ITGBL1: variants seen among roughly 807,000 people sequenced by gnomAD.
The protein encoded by ITGBL1 is integrin subunit beta like 1, also known as integrin beta-like protein 1.
Under a neutral mutation model 68.5 loss-of-function variants are expected in ITGBL1, and 51 were observed. The ratio of observed to expected loss-of-function variants is 0.74; its 90% CI spans 0.59 to 0.94. The LOEUF is 0.94. Ranked by LOEUF, ITGBL1 falls within the 40% of genes least tolerant of loss-of-function variation. The probability of loss-of-function intolerance (pLI) is 0.00; values close to 1 mark genes in which losing one functional copy is unlikely to be tolerated. For missense variants in ITGBL1, 649 were observed against 647.4 expected (o/e 1.00, Z -0.03); for synonymous variants, 209 against 227.3 (o/e 0.92, Z 0.72).
intron 6 of ITGBL1, among the ~76,000 whole-genome samples, chr13:101,587,895 A>G (rs1340673870): frequency 6.6e-6 from 1 of 152,202 alleles, no homozygotes; most frequent in African/African-American, 2.4e-5. Flanking sequence ...GCTTTTCTCT[A>G]TTGATGGTCT....
intron 2 of ITGBL1, among the ~76,000 whole-genome samples, chr13:101,458,648 TAA>T (rs1265511193): frequency 6.6e-6 from 1 of 152,176 alleles, no homozygotes; most frequent in East Asian, 1.9e-4. Context: ...GTCTCTCATA[TAA>T]AATGGTGTAG....
intron 2 of ITGBL1, among the ~76,000 whole-genome samples, chr13:101,461,843 A>G (rs2048322500): frequency 6.6e-6 from 1 of 152,176 alleles, no homozygotes; most frequent in African/African-American, 2.4e-5. Context: ...TTGCTGCTAC[A>G]ACAAATTACC....
chr13:101,661,512 C>A (rs1222616227), intron 7 of ITGBL1, among the ~76,000 whole-genome samples: 1 of 152,140 alleles, frequency 6.6e-6, no homozygotes, highest in Non-Finnish European at 1.5e-5. Flanking sequence ...ATTCCTCTTG[C>A]TTCAGCTTAT....
intron 7 of ITGBL1, among the ~76,000 whole-genome samples, chr13:101,633,319 T>C (rs1255417407): frequency 6.6e-5 from 10 of 152,198 alleles, no homozygotes; most frequent in Admixed American, 6.5e-4. Flanking sequence ...AGTGAAATGA[T>C]GAACTAGATT....
chr13:101,716,019 C>T lies in ITGBL1; in HGVS notation c.*365C>T, dbSNP rs2034705875. Reference sequence around the variant, plus strand: ...AGAGGCCAGGGATGCTGCTGAGCATCCCGCAGTGTACAGGACAGCCCCCAA... The same window carrying T: ...AGAGGCCAGGGATGCTGCTGAGCATTCCGCAGTGTACAGGACAGCCCCCAA... On this transcript the variant is annotated 3_prime_UTR_variant, in exon 11 of 11. Coordinates refer to ENST00000376180, the MANE Select transcript of ITGBL1 (RefSeq NM_004791.3). 2 of 236,256 alleles carry T rather than the reference C, an allele frequency of 8.5e-6. No individual in the cohort carries two copies. The highest frequency in any genetic ancestry group is 8.4e-6 in the Non-Finnish European group (1 of 118,354). The allele number at this position is 236,256 out of a possible 1,614,324, so 14.6% of individuals were successfully genotyped here.
chr13:101,481,085 C>CACACACGCATAT (rs71121196), intron 2 of ITGBL1, among the ~76,000 whole-genome samples: 12 of 149,006 alleles, frequency 8.1e-5, no homozygotes, highest in Non-Finnish European at 1.5e-5. Flanking sequence ...TATATACACA[C>CACACACGCATAT]ATATATATAC....
At chr13:101,644,316 C>T (rs1415334368) in intron 7 of ITGBL1, among the ~76,000 whole-genome samples, 2 of 152,122 alleles carry the variant, frequency 1.3e-5, no homozygotes, top group Non-Finnish European at 2.9e-5. Flanking sequence ...GATGGTCAGG[C>T]TCAATTTTAT....
At chr13:101,673,663 A>C (rs1594971264) in intron 7 of ITGBL1, among the ~76,000 whole-genome samples, 1 of 152,180 alleles carries the variant, frequency 6.6e-6, no homozygotes, top group Non-Finnish European at 1.5e-5. Context: ...TCCTATTACT[A>C]TTAATTTTAC....
chr13:101,584,002 A>G (rs945595131), intron 6 of ITGBL1, among the ~76,000 whole-genome samples: 12 of 152,240 alleles, frequency 7.9e-5, no homozygotes, highest in Admixed American at 7.2e-4. Flanking sequence ...GGGCACCTAT[A>G]TTAATGTATT....
chr13:101,546,883 A>G (rs927348291), intron 2 of ITGBL1, among the ~76,000 whole-genome samples: 4 of 152,060 alleles, frequency 2.6e-5, no homozygotes, highest in Non-Finnish European at 5.9e-5. Context: ...TGAAGATGCT[A>G]CCAAGTGAAG....
chr13:101,503,901 T>G (rs1462448106), intron 2 of ITGBL1, among the ~76,000 whole-genome samples: 1 of 152,198 alleles, frequency 6.6e-6, no homozygotes, highest in Non-Finnish European at 1.5e-5. Flanking sequence ...AGGTTGTCAC[T>G]AGGAAGACAG....
intron 7 of ITGBL1, among the ~76,000 whole-genome samples, chr13:101,622,508 G>T (rs755754151): frequency 6.6e-6 from 1 of 152,010 alleles, no homozygotes; most frequent in African/African-American, 2.4e-5. Flanking sequence ...AAACCGGTGC[G>T]CACTTTTAGT....
intron 2 of ITGBL1, among the ~76,000 whole-genome samples, chr13:101,559,623 C>CAATGA (rs747957104): frequency 4.6e-5 from 7 of 152,182 alleles, no homozygotes; most frequent in Non-Finnish European, 1.0e-4. Flanking sequence ...AGAGTCCTTT[C>CAATGA]AAGTCCATTG....
At chr13:101,486,095 T>C (rs1350696866) in intron 2 of ITGBL1, among the ~76,000 whole-genome samples, 2 of 149,166 alleles carry the variant, frequency 1.3e-5, no homozygotes, top group African/African-American at 2.5e-5. Context: ...AACCTAAGTG[T>C]CCATCAACCA....
intron 2 of ITGBL1, among the ~76,000 whole-genome samples, chr13:101,533,794 T>C (rs1438152909): frequency 6.6e-6 from 1 of 152,238 alleles, no homozygotes; most frequent in Non-Finnish European, 1.5e-5. Context: ...CTAACATTAG[T>C]GTTTTCCTAA....
intron 3 of ITGBL1, among the ~76,000 whole-genome samples, chr13:101,574,952 A>T (rs551821792): frequency 2.6e-5 from 4 of 152,306 alleles, no homozygotes; most frequent in Admixed American, 2.0e-4. Flanking sequence ...TTATTTATGC[A>T]TTTGATAATA....
At chr13:101,537,830 T>G (rs866357166) in intron 2 of ITGBL1, among the ~76,000 whole-genome samples, 1 of 152,016 alleles carries the variant, frequency 6.6e-6, no homozygotes, top group Admixed American at 6.6e-5. Flanking sequence ...TGCATGAAGA[T>G]CCACTGAGTT....
intron 7 of ITGBL1, among the ~76,000 whole-genome samples, chr13:101,608,957 A>C (rs2030999385): frequency 6.6e-6 from 1 of 152,088 alleles, no homozygotes; most frequent in Non-Finnish European, 1.5e-5. Context: ...AAAGGCCTGG[A>C]CTTTGTCATG....
At chr13:101,679,198 G>A (rs1463942856) in intron 7 of ITGBL1, among the ~76,000 whole-genome samples, 1 of 152,116 alleles carries the variant, frequency 6.6e-6, no homozygotes, top group Non-Finnish European at 1.5e-5. Context: ...GAGCCACCGC[G>A]CCTGGCCGAG....
Sources: gnomAD v4.1 joint callset for allele counts (sites outside exome capture counted in the v4.1 genomes callset) on GRCh38, gnomAD v4.1.1 for gene constraint, MANE v1.5 for transcripts, NCBI Gene and HGNC (gene_info 2026-07-23, HGNC 2026-07-21) for gene names.